ATE1: variants seen among roughly 807,000 people sequenced by gnomAD.
ATE1 encodes the protein arginyltransferase 1, also known as arginyl-tRNA--protein transferase 1.
In ATE1, 36 loss-of-function variants were observed where a neutral mutation model predicts 70.5. That is an observed-to-expected ratio of 0.51 (90% CI 0.39 to 0.67). ATE1 has a LOEUF of 0.67. ATE1 is among the 30% of genes least tolerant of loss of function. ATE1 has a pLI of 0.00. For synonymous variants in ATE1, 232 were observed against 219.3 expected, an observed-to-expected ratio of 1.06 and a Z score of -0.51; for missense variants, 593 against 629.5, an observed-to-expected ratio of 0.94 and a Z score of 0.62.
rs1944171074 is a variant in ATE1, at chr10:121,742,228, G to GT, written c.*1451dup. 6.6e-6 allele frequency: 1 copy of GT among 152,220 alleles called. No individual in the cohort carries two copies. The highest frequency in any genetic ancestry group is 1.5e-5 in the Non-Finnish European group (1 of 68,038). The allele number at this position is 152,220 out of a possible 1,614,324, so 9.4% of individuals were successfully genotyped here. A position where few individuals can be genotyped will look rare whatever the true frequency, so the allele number is the denominator to read the frequency against. On this transcript the variant is annotated 3_prime_UTR_variant, in exon 12 of 12. Coordinates refer to ENST00000224652, the MANE Select transcript of ATE1 (RefSeq NM_001001976.3). Reference sequence around the variant, plus strand: ...GGATGTTGAGTTTCTAGAGATTTCAGTTTTAAAATCATTGTTTTATGATCC... The same window carrying GT: ...GGATGTTGAGTTTCTAGAGATTTCAGTTTTTAAAATCATTGTTTTATGATCC...
chr10:121,799,284 G>A (rs1341460603), intron 10 of ATE1, among the ~76,000 whole-genome samples: 1 of 152,186 alleles, frequency 6.6e-6, no homozygotes, highest in African/African-American at 2.4e-5. Flanking sequence ...GGAGCAGCCA[G>A]CAATACTGAG....
chr10:121,859,562 A>T (rs1949394561), intron 8 of ATE1, among the ~76,000 whole-genome samples: 1 of 152,200 alleles, frequency 6.6e-6, no homozygotes, highest in Non-Finnish European at 1.5e-5. Context: ...TATTTTATTA[A>T]GAGATGTAAT....
In ATE1 at chr10:121,821,618, C is replaced by T. The variant is rs868344743; in HGVS notation, c.1257+15100G>A. Among the ~76,000 whole-genome samples the T allele has an allele frequency of 2.5e-4, 38 of 152,324 alleles. 1 individual carries two copies. The highest frequency in any genetic ancestry group is 3.4e-3 in the Middle Eastern group (1 of 294). Reference sequence around the variant, plus strand: ...AACTCAGGCCAGGCCCGGTGGCTCACGCCTGTAATCCCAGCACTTTAGGAG... The same window carrying T: ...AACTCAGGCCAGGCCCGGTGGCTCATGCCTGTAATCCCAGCACTTTAGGAG... On this transcript the variant is annotated intron_variant, in intron 10 of 11. Transcript: ENST00000224652.
intron 11 of ATE1, among the ~76,000 whole-genome samples, chr10:121,749,436 C>G (rs1753371238): frequency 6.6e-6 from 1 of 152,080 alleles, no homozygotes; most frequent in South Asian, 2.1e-4. Flanking sequence ...TAGAATTCTG[C>G]CTACCCAAAG....
intron 10 of ATE1, among the ~76,000 whole-genome samples, chr10:121,823,158 C>T (rs1172326716): frequency 1.3e-5 from 2 of 151,988 alleles, no homozygotes; most frequent in Non-Finnish European, 2.9e-5. Context: ...GGCACGGTGG[C>T]GGGCGCCTTT....
At position 121,743,132 on chromosome 10, in the gene ATE1, T is replaced by C. The variant is rs1475752670; in HGVS notation, c.*548A>G. The C allele has an allele frequency of 6.6e-6, 1 of 152,354 alleles. No homozygotes were observed. The highest frequency in any genetic ancestry group is 1.5e-5 in the Non-Finnish European group (1 of 68,142). The allele number at this position is 152,354 out of a possible 1,614,324, so 9.4% of individuals were successfully genotyped here. On this transcript the variant is annotated 3_prime_UTR_variant, in exon 12 of 12. Transcript: ENST00000224652. The stretch of plus-strand genomic sequence containing the variant: ...AGCTCCATTTTAATGTTTTATTTTT[T>C]CAAGTTCTCTATTAAACTACATAAC...
chr10:121,799,459 T>C (rs1171421189), intron 10 of ATE1, among the ~76,000 whole-genome samples: 14 of 151,108 alleles, frequency 9.3e-5, no homozygotes, highest in African/African-American at 3.2e-4. Flanking sequence ...AAACAGGCAC[T>C]CACCAATAGC....
chr10:121,910,197 T>C (rs185612800), intron 5 of ATE1, among the ~76,000 whole-genome samples: 47 of 152,312 alleles, frequency 3.1e-4, no homozygotes, highest in Admixed American at 9.2e-4. Context: ...TAACATAGTT[T>C]AGACAAGAAA....
intron 11 of ATE1, among the ~76,000 whole-genome samples, chr10:121,786,009 A>T (rs1475821934): frequency 1.3e-5 from 2 of 152,142 alleles, no homozygotes; most frequent in African/African-American, 4.8e-5. Flanking sequence ...AAAAATAAGT[A>T]TTATAACAAG....
intron 8 of ATE1, among the ~76,000 whole-genome samples, chr10:121,848,997 G>A (rs1405353564): frequency 1.3e-5 from 2 of 151,948 alleles, no homozygotes; most frequent in East Asian, 1.9e-4. Context: ...GATCACCTGA[G>A]GTCAGGAGTT....
In ATE1 at chr10:121,824,617, A is replaced by G. The variant is rs142058715; in HGVS notation, c.1257+12101T>C. 4.2e-3 allele frequency among the ~76,000 whole-genome samples: 642 copies of G among 152,310 alleles called. 6 individuals carry two copies. Among genetic ancestry groups the G allele is most frequent in the African/African-American group, 0.015 (608 of 41,568 alleles). On this transcript the variant is annotated intron_variant, in intron 10 of 11. Coordinates refer to ENST00000224652, the MANE Select transcript of ATE1 (RefSeq NM_001001976.3). The stretch of plus-strand genomic sequence containing the variant: ...CCTTTTGTTTCTTTTCTGACATTTC[A>G]GAACTCTTTCTGATGTTTCAATGAT...
chr10:121,806,257 A>G (rs923249131), intron 10 of ATE1, among the ~76,000 whole-genome samples: 2 of 152,140 alleles, frequency 1.3e-5, no homozygotes, highest in African/African-American at 4.8e-5. Flanking sequence ...TTCGAGACCA[A>G]TCTGGCCAAC....
chr10:121,904,257 C>A (rs969306066), intron 5 of ATE1, among the ~76,000 whole-genome samples: 1 of 151,554 alleles, frequency 6.6e-6, no homozygotes, highest in Non-Finnish European at 1.5e-5. Flanking sequence ...GCTAGGATTA[C>A]GGGCGTGAGC....
At chr10:121,828,403 T>C (rs776665285) in intron 10 of ATE1, among the ~76,000 whole-genome samples, 8 of 152,168 alleles carry the variant, frequency 5.3e-5, no homozygotes, top group Non-Finnish European at 1.0e-4. Context: ...GCTAGGTGGG[T>C]TTTCTTCTGG....
intron 5 of ATE1, among the ~76,000 whole-genome samples, chr10:121,907,414 G>A (rs1436125286): frequency 6.6e-6 from 1 of 151,838 alleles, no homozygotes; most frequent in Non-Finnish European, 1.5e-5. Flanking sequence ...GCAGTGAGCT[G>A]AGATAGCGCC....
chr10:121,858,180 T>G lies in ATE1; in HGVS notation c.975+11826A>C, dbSNP rs551369715. Among the ~76,000 whole-genome samples the G allele has an allele frequency of 5.3e-5, 8 of 152,338 alleles. No individual in the cohort carries two copies. In the South Asian group the frequency reaches 1.4e-3, roughly 28 times the overall value. ...TTGTTCAAGTCCCTATTTTCTTTTGTGTATATATGCACAAGTGGAATTGCC... is the reference window on the plus strand; with the variant it reads ...TTGTTCAAGTCCCTATTTTCTTTTGGGTATATATGCACAAGTGGAATTGCC... On this transcript the variant is annotated intron_variant, in intron 8 of 11. Transcript: ENST00000224652.
At chr10:121,823,704 A>G (rs1182540222) in intron 10 of ATE1, among the ~76,000 whole-genome samples, 1 of 152,234 alleles carries the variant, frequency 6.6e-6, no homozygotes, top group Admixed American at 6.5e-5. Flanking sequence ...CAGGCACTAC[A>G]TCAAGCTTTC....
At chr10:121,918,287 C>G (rs1051590756) in intron 3 of ATE1, among the ~76,000 whole-genome samples, 1 of 150,776 alleles carries the variant, frequency 6.6e-6, no homozygotes, top group Non-Finnish European at 1.5e-5. Context: ...GAGCAGAGAT[C>G]GCGCCACTGC....
intron 11 of ATE1, among the ~76,000 whole-genome samples, chr10:121,761,256 T>G (rs1945027344): frequency 1.3e-5 from 2 of 152,132 alleles, no homozygotes; most frequent in South Asian, 4.1e-4. Flanking sequence ...AACCTCCTCT[T>G]TATAAACTAC....
Sources: gnomAD v4.1 joint callset for allele counts (sites outside exome capture counted in the v4.1 genomes callset) on GRCh38, gnomAD v4.1.1 for gene constraint, MANE v1.5 for transcripts, NCBI Gene and HGNC (gene_info 2026-07-23, HGNC 2026-07-21) for gene names.